PALD1: variants seen among roughly 807,000 people sequenced by gnomAD.
PALD1 encodes paladin.
Under a neutral mutation model 96.0 loss-of-function variants are expected in PALD1, and 57 were observed. The ratio of observed to expected loss-of-function variants is 0.59; its 90% CI spans 0.48 to 0.74. The LOEUF is 0.74. Among genes scored for constraint, PALD1 ranks in the 30% least tolerant of loss-of-function variants. The pLI, the probability that PALD1 is intolerant of heterozygous loss-of-function variation, is 0.00. For missense variants in PALD1, 1,063 were observed against 1,143.7 expected, an observed-to-expected ratio of 0.93 and a Z score of 1.02; for synonymous variants, 464 against 473.6, an observed-to-expected ratio of 0.98 and a Z score of 0.26.
chr10:70,489,484 C>T (rs1846067367), intron 1 of PALD1, among the ~76,000 whole-genome samples: 1 of 152,168 alleles, frequency 6.6e-6, no homozygotes, highest in Admixed American at 6.5e-5. Flanking sequence ...GGTTCCAGGG[C>T]AGCCACTTGC....
At chr10:70,552,161 A>G (rs1251076575) in intron 18 of PALD1, among the ~76,000 whole-genome samples, 1 of 152,248 alleles carries the variant, frequency 6.6e-6, no homozygotes, top group Non-Finnish European at 1.5e-5. Context: ...ACGTTCTCGT[A>G]GGGCAGAGAG....
chr10:70,507,412 CA>C (rs1846413327), intron 1 of PALD1, among the ~76,000 whole-genome samples: 2 of 152,058 alleles, frequency 1.3e-5, no homozygotes. Flanking sequence ...AACTCTGTCT[CA>C]AAAAACAAAC....
chr10:70,560,550 G>A (rs1046401053), intron 18 of PALD1, among the ~76,000 whole-genome samples: 1 of 152,100 alleles, frequency 6.6e-6, no homozygotes, highest in Non-Finnish European at 1.5e-5. Context: ...CTCAGGTCAG[G>A]ATGTGACGCG....
intron 2 of PALD1, among the ~76,000 whole-genome samples, chr10:70,528,816 G>A (rs1240836036): frequency 3.9e-5 from 6 of 152,132 alleles, no homozygotes; most frequent in Admixed American, 1.3e-4. Flanking sequence ...TGTGGCTTCC[G>A]TCTTATGATC....
intron 18 of PALD1, among the ~76,000 whole-genome samples, chr10:70,558,590 C>T (rs986227857): frequency 6.6e-6 from 1 of 152,004 alleles, no homozygotes; most frequent in East Asian, 1.9e-4. Context: ...TGTTGGACAG[C>T]GGGGTATCCG....
chr10:70,524,090 T>G (rs1846799619), intron 1 of PALD1, among the ~76,000 whole-genome samples: 1 of 152,124 alleles, frequency 6.6e-6, no homozygotes, highest in African/African-American at 2.4e-5. Context: ...GGAGTGTGGA[T>G]GGTTGGGAGC....
At position 70,503,179 on chromosome 10, in the gene PALD1, C is replaced by T. The variant is rs867938021; in HGVS notation, c.-29-22744C>T. Among the ~76,000 whole-genome samples the T allele has an allele frequency of 6.6e-5, 10 of 152,220 alleles. No homozygotes were observed. In the South Asian group the frequency reaches 1.2e-3, roughly 19 times the overall value. On this transcript the variant is annotated intron_variant, in intron 1 of 19. Transcript: ENST00000263563. ...ATAGGGGTGAACCACCATGCCCAGC[C>T]GATTTCTGGGTTTTCCATTACAAGT...
At chr10:70,533,209 C>T (rs540970835) in intron 7 of PALD1, 139 bp downstream of exon 7, 97 of 704,838 alleles carry the variant, frequency 1.4e-4, no homozygotes, top group Non-Finnish European at 2.2e-4. Flanking sequence ...TTAGGGTGGA[C>T]GTGTGTTGGT....
chr10:70,561,175 GTC>G (rs1370371758), intron 18 of PALD1, among the ~76,000 whole-genome samples: 1 of 151,976 alleles, frequency 6.6e-6, no homozygotes, highest in African/African-American at 2.4e-5. Flanking sequence ...CCTTACCCGT[GTC>G]TCTTGCAACA....
In PALD1 at chr10:70,537,601, C is replaced by T. The variant is rs139720109; in HGVS notation, c.1228-210C>T. ...AACCACAGTGCCTGGTGTGGTCACC[C>T]ACATATCTCCCCTGACCGCAGATAA... On this transcript the variant is annotated intron_variant, in intron 10 of 19. Transcript: ENST00000263563. Among the ~76,000 whole-genome samples the T allele has an allele frequency of 4.2e-3, 647 of 152,344 alleles. 9 individuals are homozygous for T. Among genetic ancestry groups the T allele is most frequent in the African/African-American group, 0.015 (634 of 41,572 alleles).
intron 1 of PALD1, among the ~76,000 whole-genome samples, chr10:70,487,479 G>T (rs961015915): frequency 2.0e-5 from 3 of 151,366 alleles, no homozygotes; most frequent in Admixed American, 6.6e-5. Flanking sequence ...ATTTCCCCCT[G>T]CCTATCTTCA....
At chr10:70,529,185 T>C (rs1257069940) in intron 2 of PALD1, 44 bp from the exon 3 acceptor site, 1 of 703,972 alleles carries the variant, frequency 1.4e-6, no homozygotes, top group South Asian at 1.5e-5. Context: ...ACCAAGGAGG[T>C]TGCTTGACTC....
chr10:70,534,658 C>G, intron 9 of PALD1, 81 bp from the exon 10 acceptor site: 2 of 1,212,412 alleles, frequency 1.6e-6, no homozygotes, highest in Non-Finnish European at 2.4e-6. Context: ...CCTCTCTTTT[C>G]TCTTTTCTCC....
At chr10:70,564,107 G>A (rs1421699492) in intron 18 of PALD1, among the ~76,000 whole-genome samples, 1 of 152,208 alleles carries the variant, frequency 6.6e-6, no homozygotes, top group Non-Finnish European at 1.5e-5. Flanking sequence ...GAACAGGACA[G>A]TGGTTATGAT....
chr10:70,566,852 C>T lies in PALD1; in HGVS notation c.*119C>T. 1 of 640,480 alleles carries T rather than the reference C, an allele frequency of 1.6e-6. No individual in the cohort carries two copies. The highest frequency in any genetic ancestry group is 2.6e-6 in the Non-Finnish European group (1 of 378,426). The allele number at this position is 640,480 out of a possible 1,614,324, so 39.7% of individuals were successfully genotyped here. ...GGCCTTGAAATGATTCCCCCACTTC[C>T]TGGAGAGACTGAGCGGAGTTGGGAG... On this transcript the variant is annotated 3_prime_UTR_variant, in exon 20 of 20. Transcript: ENST00000263563.
chr10:70,537,091 T>C (rs905155129), intron 10 of PALD1, among the ~76,000 whole-genome samples: 11 of 152,088 alleles, frequency 7.2e-5, no homozygotes, highest in South Asian at 2.1e-4. Flanking sequence ...ATTTGTATTT[T>C]CTTGTGGAGA....
At chr10:70,474,268 ATAGAT>A (rs1453863993), upstream of PALD1, among the ~76,000 whole-genome samples, 2 of 152,008 alleles carry the variant, frequency 1.3e-5, no homozygotes, top group Non-Finnish European at 2.9e-5. Flanking sequence ...ATAGGATAAG[ATAGAT>A]TAGAGGGCCG....
At chr10:70,468,627 C>G in the PALD1 span, among the ~76,000 whole-genome samples, 1 of 152,076 alleles carries the variant, frequency 6.6e-6, no homozygotes, top group Admixed American at 6.6e-5. Flanking sequence ...CACAAGGAGC[C>G]CCTGCCCAGG....
intron 3 of PALD1, 97 bp from the exon 4 acceptor site, chr10:70,529,792 C>T (rs1460292813): frequency 4.7e-6 from 5 of 1,071,046 alleles, no homozygotes; most frequent in Middle Eastern, 2.4e-4. Flanking sequence ...GCCCCTATTT[C>T]CCCCCTCCCT....
Sources: gnomAD v4.1 joint callset for allele counts (sites outside exome capture counted in the v4.1 genomes callset) on GRCh38, gnomAD v4.1.1 for gene constraint, MANE v1.5 for transcripts, NCBI Gene and HGNC (gene_info 2026-07-23, HGNC 2026-07-21) for gene names.